Variants in MYO1G observed in about 807,000 individuals in gnomAD.
MYO1G encodes the protein myosin IG, also known as unconventional myosin-Ig.
MYO1G carries 65 observed loss-of-function variants against 115.3 expected under a neutral mutation model. That is an observed-to-expected ratio of 0.56 (90% confidence interval 0.46 to 0.69). The LOEUF is 0.69. MYO1G is among the 30% of genes least tolerant of loss of function. MYO1G has a pLI of 0.00. For missense variants in MYO1G, 1,204 were observed against 1,393.5 expected (o/e 0.86, Z 2.16); for synonymous variants, 510 against 552.6 (o/e 0.92, Z 1.08).
chr7:44,975,520 C>T lies in MYO1G; in HGVS notation c.528G>A (p.Pro176=), dbSNP rs571155365. 1.7e-5 allele frequency: 27 copies of T among 1,613,512 alleles called. No individual in the cohort carries two copies. In the South Asian group the frequency reaches 2.4e-4, roughly 14 times the overall value. The change falls in exon 4 of 22, where the codon CCG becomes CCA. Residue 176 remains proline, a synonymous_variant. Coordinates refer to ENST00000258787, the MANE Select transcript of MYO1G (RefSeq NM_033054.3). The part of the protein sequence containing the change: ...MDINFDFKGD[P]IGGHIHSYLL... ...GGTAGCTGTGGATGTGTCCTCCGATCGGGTCCCCCTTGAAGTCAAAGTTGA... is the reference window on the plus strand; with the variant it reads ...GGTAGCTGTGGATGTGTCCTCCGATTGGGTCCCCCTTGAAGTCAAAGTTGA...
rs1018059167 is a variant in MYO1G, at chr7:44,963,295, C to A, written c.2746-171G>T. On this transcript the variant is annotated intron_variant, in intron 20 of 21. Coordinates refer to ENST00000258787, the MANE Select transcript of MYO1G (RefSeq NM_033054.3). The surrounding 1 kb of genome is among the most constrained non-coding windows in gnomAD (Gnocchi z 4.1). ...CCCCCTCCTCCCTCTCGGGGCCCTG[C>A]TGACAGGGGGAAGCTTGGGCGGGAC... 15 of 683,060 alleles carry A rather than the reference C, an allele frequency of 2.2e-5. No homozygotes were observed. In the Admixed American group the frequency reaches 3.3e-4, roughly 15 times the overall value. 42.3% of individuals were successfully genotyped at this position (683,060 alleles called of 1,614,324 possible).
Position 44,963,190 on chromosome 7 carries a change from C to G in MYO1G, c.2746-66G>C, listed in dbSNP as rs1049326753. 9 of 1,378,518 alleles carry G rather than the reference C, an allele frequency of 6.5e-6. No individual in the cohort carries two copies. In the Admixed American group the frequency reaches 1.5e-4, roughly 22 times the overall value. The allele number at this position is 1,378,518 out of a possible 1,614,324, so 85.4% of individuals were successfully genotyped here. A position where few individuals can be genotyped will look rare whatever the true frequency, so the allele number is the denominator to read the frequency against. ...GCACCCCAGCCTAGCCGGACTCACC[C>G]CCTCCCCAGGAAGCCTCTGCCGAAC... is the stretch of plus-strand genomic sequence containing the variant. On this transcript the variant is annotated intron_variant, in intron 20 of 21. Coordinates refer to ENST00000258787, the MANE Select transcript of MYO1G (RefSeq NM_033054.3). This position sits in a 1 kb window ranked among gnomAD's most constrained non-coding sequence, Gnocchi z 4.1.
At chr7:44,976,506 C>T (rs1270892648) in intron 3 of MYO1G, 58 bp downstream of exon 3, 1 of 1,539,458 alleles carries the variant, frequency 6.5e-7, no homozygotes, top group Non-Finnish European at 9.0e-7. Flanking sequence ...GCCCTTCCTG[C>T]CACACTGAGG....
In MYO1G at chr7:44,963,582, G is replaced by A; in HGVS notation, c.2746-458C>T. ...CTGTGGGAGACCCAGAGGTAGCCTG[G>A]CCTTGATCCCTACCCCCGTCTTGTG... On this transcript the variant is annotated intron_variant, in intron 20 of 21. Transcript: ENST00000258787. The surrounding 1 kb of genome is among the most constrained non-coding windows in gnomAD (Gnocchi z 4.1). 4.9e-6 allele frequency: 1 copy of A among 205,680 alleles called. No homozygotes were observed. Among genetic ancestry groups the A allele is most frequent in the South Asian group, 1.2e-4 (1 of 8,248 alleles). 12.7% of individuals were successfully genotyped at this position (205,680 alleles called of 1,614,324 possible).
At position 44,964,996 on chromosome 7, in the gene MYO1G, A is replaced by C. The variant is rs202153428; in HGVS notation, c.2475T>G (p.Leu825=). Residue 825 remains leucine, a synonymous_variant, in exon 18 of 22, where the codon CTT becomes CTG. Transcript: ENST00000258787. This position sits in a 1 kb window ranked among gnomAD's most constrained non-coding sequence, Gnocchi z 5.1. ...CCCGTCGGCAGCCCCAGTCCTGACG[A>C]AGCCCTTGCAGGGCCCCCATGGCGG... ...KVAAMGALQG[L]RQDWGCRRAW... is the part of the protein sequence containing the mutation. 3.1e-6 allele frequency: 5 copies of C among 1,610,064 alleles called. No individual in the cohort carries two copies. The East Asian group carries it at 8.9e-5, about 29-fold the overall frequency.
intron 1 of MYO1G, 61 bp downstream of exon 1, chr7:44,978,806 C>A (rs911771279): frequency 1.3e-6 from 2 of 1,509,918 alleles, no homozygotes; most frequent in Non-Finnish European, 9.2e-7. Flanking sequence ...CAGGTCTCTG[C>A]GAGGACGCAA....
intron 6 of MYO1G, 96 bp from the exon 7 acceptor site, chr7:44,971,885 C>T: frequency 1.2e-6 from 1 of 856,060 alleles, no homozygotes; most frequent in Non-Finnish European, 1.9e-6. Context: ...CACCTGCTCA[C>T]CCCTGTCCCC....
chr7:44,967,443 G>A (rs1794866767), intron 14 of MYO1G, among the ~76,000 whole-genome samples, 162 bp downstream of exon 14: 1 of 152,228 alleles, frequency 6.6e-6, no homozygotes, highest in Admixed American at 6.5e-5. Flanking sequence ...CACCTGTGCA[G>A]TGGGTGGGGT....
At position 44,978,942 on chromosome 7, in the gene MYO1G, G is replaced by A; in HGVS notation, c.20C>T (p.Pro7Leu). MEDEEG[P>L]EYGKPDFVLL... The stretch of plus-strand genomic sequence containing the variant: ...CACAAAGTCAGGTTTGCCATACTCA[G>A]GGCCTTCCTCGTCCTCCATCCTGCC... The change falls in exon 1 of 22, where the codon CCT becomes CTT. Residue 7 changes from proline to leucine, a missense_variant. Pro to Leu is a moderately conservative substitution (Grantham distance 98, BLOSUM62 -3). Coordinates refer to ENST00000258787, the MANE Select transcript of MYO1G (RefSeq NM_033054.3). 6.2e-7 allele frequency: 1 copy of A among 1,614,166 alleles called. No homozygotes were observed. The highest frequency in any genetic ancestry group is 8.5e-7 in the Non-Finnish European group (1 of 1,180,004).
At chr7:44,972,507 G>A (rs1794977746) in intron 5 of MYO1G, 2 of 425,870 alleles carry the variant, frequency 4.7e-6, no homozygotes, top group Non-Finnish European at 8.9e-6. Context: ...TCCCTGTGGA[G>A]ACATTGCCCT....
intron 17 of MYO1G, 120 bp from the exon 18 acceptor site, chr7:44,965,209 C>T: frequency 1.4e-6 from 2 of 1,398,812 alleles, no homozygotes; most frequent in Non-Finnish European, 1.9e-6. Context: ...ATGTCCCAAC[C>T]TCTGCCGGCC....
intron 12 of MYO1G, 99 bp from the exon 13 acceptor site, chr7:44,968,057 G>T: frequency 1.1e-6 from 1 of 946,416 alleles, no homozygotes; most frequent in Non-Finnish European, 1.7e-6. Context: ...ATCTGCCTCT[G>T]TTCCCATAGG....
Position 44,963,310 on chromosome 7 carries a change from T to G in MYO1G, c.2746-186A>C. 1.6e-6 allele frequency: 1 copy of G among 614,326 alleles called. No individual in the cohort carries two copies. The highest frequency in any genetic ancestry group is 2.7e-6 in the Non-Finnish European group (1 of 375,424). 38.1% of individuals were successfully genotyped at this position (614,326 alleles called of 1,614,324 possible). A position where few individuals can be genotyped will look rare whatever the true frequency, so the allele number is the denominator to read the frequency against. On this transcript the variant is annotated intron_variant, in intron 20 of 21. Coordinates refer to ENST00000258787, the MANE Select transcript of MYO1G (RefSeq NM_033054.3). The surrounding 1 kb of genome is among the most constrained non-coding windows in gnomAD (Gnocchi z 4.1). ...CGGGGCCCTGCTGACAGGGGGAAGCTTGGGCGGGACGCTGCACAATACGAT... is the reference window on the plus strand; with the variant it reads ...CGGGGCCCTGCTGACAGGGGGAAGCGTGGGCGGGACGCTGCACAATACGAT...
chr7:44,977,029 C>G lies in MYO1G; in HGVS notation c.138G>C (p.Leu46=). The G allele has an allele frequency of 6.2e-7, 1 of 1,613,534 alleles. No homozygotes were observed. The highest frequency in any genetic ancestry group is 8.5e-7 in the Non-Finnish European group (1 of 1,180,008). ...GCTCCTGGTAGGGGTTCACGGACAC[C>G]AGCACCTCACCGATGTAGGTGTAGA... ...GRIYTYIGEV[L]VSVNPYQELP... The change falls in exon 2 of 22, where the codon CTG becomes CTC. Residue 46 remains leucine, a synonymous_variant. Transcript: ENST00000258787.
chr7:44,975,155 C>T lies in MYO1G; in HGVS notation c.618+19G>A, dbSNP rs761294549. 1 of 1,613,854 alleles carries T rather than the reference C, an allele frequency of 6.2e-7. No individual in the cohort carries two copies. The highest frequency in any genetic ancestry group is 8.5e-7 in the Non-Finnish European group (1 of 1,179,852). ...TTCCCCACCCCATTTTTCCACCTCC[C>T]CTTGCCCTCAGGGCTTACTTGGTAG... is the stretch of plus-strand genomic sequence containing the variant. On this transcript the variant is annotated intron_variant, in intron 5 of 21. Transcript: ENST00000258787.
In MYO1G at chr7:44,963,964, G is replaced by A. The variant is rs889780538; in HGVS notation, c.2745+85C>T. ...GTCTGGGCCATCTCAGGTAAACAGG[G>A]GAGAGAAGACTGAGGCAGGACTCTG... On this transcript the variant is annotated intron_variant, in intron 20 of 21. Transcript: ENST00000258787. The surrounding 1 kb of genome is among the most constrained non-coding windows in gnomAD (Gnocchi z 4.1). 9.0e-7 allele frequency: 1 copy of A among 1,111,356 alleles called. No individual in the cohort carries two copies. The highest frequency in any genetic ancestry group is 1.4e-5 in the South Asian group (1 of 74,016). The allele number at this position is 1,111,356 out of a possible 1,614,324, so 68.8% of individuals were successfully genotyped here.
chr7:44,967,849 G>C, intron 13 of MYO1G, 35 bp downstream of exon 13: 1 of 1,613,304 alleles, frequency 6.2e-7, no homozygotes, highest in South Asian at 1.1e-5. Flanking sequence ...CCAGGGCCCT[G>C]GCCCTCCCTA....
Position 44,976,587 on chromosome 7 carries a change from T to G in MYO1G, c.375A>C (p.Pro125=), listed in dbSNP as rs2128703101. 2 of 1,614,036 alleles carry G rather than the reference T, an allele frequency of 1.2e-6. No homozygotes were observed. The highest frequency in any genetic ancestry group is 3.3e-4 in the Middle Eastern group (2 of 6,062). ...IMQYIAAVTN[P]SQRAEVERVK... ...ACCTCTCCACCTCAGCCCTCTGGCT[T>G]GGATTGGTGACAGCAGCGATGTACT... is the stretch of plus-strand genomic sequence containing the variant. The change falls in exon 3 of 22, where the codon CCA becomes CCC. Residue 125 remains proline (P), a synonymous_variant. Coordinates refer to ENST00000258787, the MANE Select transcript of MYO1G (RefSeq NM_033054.3).
At chr7:44,972,397 A>T in intron 5 of MYO1G, 172 bp from the exon 6 acceptor site, 1 of 600,314 alleles carries the variant, frequency 1.7e-6, no homozygotes, top group Admixed American at 2.4e-5. Flanking sequence ...CTCCCCATTC[A>T]GCTGTTCAGT....
Sources: allele counts gnomAD v4.1 joint callset (sites outside exome capture counted in the v4.1 genomes callset), GRCh38; gene constraint gnomAD v4.1.1; non-coding constraint Gnocchi (gnomAD v3.1); transcripts MANE v1.5; gene names NCBI Gene and HGNC (gene_info 2026-07-23, HGNC 2026-07-21).